Variants in QDPR observed in about 807,000 individuals in gnomAD.
The protein encoded by QDPR is dihydropteridine reductase.
In QDPR, 23 loss-of-function variants were observed where a neutral mutation model predicts 31.7. The ratio of observed to expected loss-of-function variants is 0.73; its 90% CI spans 0.52 to 1.03. QDPR has a LOEUF of 1.03. Ranked by LOEUF, QDPR falls within the 50% of genes least tolerant of loss-of-function variation. The pLI is 0.00. For missense variants in QDPR, 324 were observed against 323.8 expected, an observed-to-expected ratio of 1.00 and a Z score of 0.00; for synonymous variants, 124 against 124.7, an observed-to-expected ratio of 0.99 and a Z score of 0.03.
intron 5 of QDPR, 102 bp downstream of exon 5, chr4:17,492,128 TGA>T: frequency 1.2e-6 from 1 of 840,860 alleles, no homozygotes; most frequent in South Asian, 1.6e-5. Flanking sequence ...GAACCAGAGG[TGA>T]GAGCACACCC....
At chr4:17,488,081 T>C (rs1718031194) in intron 6 of QDPR, among the ~76,000 whole-genome samples, 1 of 152,038 alleles carries the variant, frequency 6.6e-6, no homozygotes, top group African/African-American at 2.4e-5. Context: ...CCTGGGCAAC[T>C]GGGTGAAACC....
chr4:17,511,753 C>T (rs899433850), intron 1 of QDPR, among the ~76,000 whole-genome samples, 197 bp downstream of exon 1: 1 of 152,210 alleles, frequency 6.6e-6, no homozygotes, highest in Non-Finnish European at 1.5e-5. Context: ...AGCAAAGGCC[C>T]AGCGCCCTGG....
intron 6 of QDPR, among the ~76,000 whole-genome samples, chr4:17,487,631 C>G (rs1718013868): frequency 6.6e-6 from 1 of 151,726 alleles, no homozygotes; most frequent in Non-Finnish European, 1.5e-5. Flanking sequence ...CACAATGAGA[C>G]TCCGTCTCAC....
chr4:17,509,487 G>A, intron 1 of QDPR, 124 bp from the exon 2 acceptor site: 1 of 828,412 alleles, frequency 1.2e-6, no homozygotes, highest in Non-Finnish European at 2.0e-6. Context: ...AGCACTTTGG[G>A]AGCCAATGTG....
At chr4:17,504,526 G>A (rs779867089) in intron 2 of QDPR, 51 bp from the exon 3 acceptor site, 1 of 1,422,510 alleles carries the variant, frequency 7.0e-7, no homozygotes, top group African/African-American at 1.4e-5. Context: ...AGCCAACACA[G>A]GCTAGCATCT....
At chr4:17,503,517 G>A (rs1718644064) in intron 3 of QDPR, among the ~76,000 whole-genome samples, 1 of 151,672 alleles carries the variant, frequency 6.6e-6, no homozygotes, top group South Asian at 2.1e-4. Context: ...AATGCACAAA[G>A]TACACAGGCA....
chr4:17,509,402 T>C (rs761493777), intron 1 of QDPR, 39 bp from the exon 2 acceptor site: 2 of 1,558,106 alleles, frequency 1.3e-6, no homozygotes, highest in African/African-American at 1.4e-5. Context: ...AGGCAGTGAG[T>C]TGTTATTCCA....
chr4:17,490,728 G>T lies in QDPR; in HGVS notation c.563C>A (p.Pro188Gln). The part of the protein sequence containing the change: ...IAVLPVTLDT[P>Q]MNRKSMPEAD... ...CTCAGGCATTGATTTCCTGTTCATC[G>T]GGGTATCCAGGGTAACCCTGCAATG... Residue 188 changes from proline to glutamine, a missense_variant, in exon 6 of 7, where the codon CCG (proline) becomes CAG (glutamine). Transcript: ENST00000281243. 2.5e-6 allele frequency: 4 copies of T among 1,613,740 alleles called. No individual in the cohort carries two copies. The highest frequency in any genetic ancestry group is 2.5e-6 in the Non-Finnish European group (3 of 1,179,782).
Position 17,487,175 on chromosome 4 carries a change from C to T in QDPR, c.691G>A (p.Val231Ile), listed in dbSNP as rs777780318. 3 of 1,614,196 alleles carry T rather than the reference C, an allele frequency of 1.9e-6. No homozygotes were observed. Among genetic ancestry groups the T allele is most frequent in the Non-Finnish European group, 2.5e-6 (3 of 1,180,022 alleles). The change falls in exon 7 of 7, where the codon GTA becomes ATA. Residue 231 changes from valine to isoleucine, a missense_variant. Transcript: ENST00000281243. ...AGTTCCGTCCTTCCTTCTGTGGTTA[C>T]CACCTGGATTAGGCTTCCTGAGCTC... Reference protein sequence around the residue: ...RPSSGSLIQVVTTEGRTELTP... With the variant: ...RPSSGSLIQVITTEGRTELTP...
In QDPR at chr4:17,501,744, T is replaced by G. The variant is rs1718568836; in HGVS notation, c.411A>C (p.Ala137=). ...CAGGAGTCCCATCCAGGGCAGCCTT[T>G]GCGCCAGCCAAGGTCAGGAGGCCTC... ...KEGGLLTLAG[A]KAALDGTPGM... is the part of the protein sequence containing the mutation. Residue 137 remains alanine, a synonymous_variant, in exon 4 of 7, where the codon GCA becomes GCC. Transcript: ENST00000281243. 1 of 1,614,118 alleles carries G rather than the reference T, an allele frequency of 6.2e-7. No homozygotes were observed. Among genetic ancestry groups the G allele is most frequent in the African/African-American group, 1.3e-5 (1 of 75,050 alleles).
At chr4:17,488,808 G>T (rs1718059280) in intron 6 of QDPR, among the ~76,000 whole-genome samples, 1 of 152,110 alleles carries the variant, frequency 6.6e-6, no homozygotes, top group South Asian at 2.1e-4. Context: ...CCTACTCTGG[G>T]GTTTGAACAA....
At chr4:17,494,955 G>A (rs139702755) in intron 4 of QDPR, among the ~76,000 whole-genome samples, 128 of 152,304 alleles carry the variant, frequency 8.4e-4, no homozygotes, top group Non-Finnish European at 1.6e-3. Flanking sequence ...TGGAGGGCAC[G>A]CACAGAACCC....
chr4:17,509,502 G>A, intron 1 of QDPR, 139 bp from the exon 2 acceptor site: 1 of 752,406 alleles, frequency 1.3e-6, no homozygotes, highest in South Asian at 1.5e-5. Flanking sequence ...AATGTGGGAG[G>A]ATCTCTTGAG....
chr4:17,494,462 G>C (rs1718281346), intron 4 of QDPR, among the ~76,000 whole-genome samples: 1 of 152,160 alleles, frequency 6.6e-6, no homozygotes, highest in African/African-American at 2.4e-5. Context: ...ATGACTCACT[G>C]CATCTGTGCC....
chr4:17,493,997 G>C (rs1219565426), intron 4 of QDPR, among the ~76,000 whole-genome samples: 1 of 152,100 alleles, frequency 6.6e-6, no homozygotes. Context: ...GGCACTCAAT[G>C]AAGGTTTCCC....
At chr4:17,509,468 T>C (rs866778326) in intron 1 of QDPR, 105 bp from the exon 2 acceptor site, 10 of 991,618 alleles carry the variant, frequency 1.0e-5, no homozygotes, top group Middle Eastern at 2.6e-4. Context: ...GGTTCACGTC[T>C]GTAATGCCAG....
rs749993798 is a variant in QDPR at position 17,487,200 on chromosome 4, C to T, written c.666G>A (p.Pro222=). ...FHDWITGKNR[P]SSGSLIQVVT... is the part of the protein sequence containing the mutation. ...CCACCTGGATTAGGCTTCCTGAGCT[C>T]GGTCGGTTTTTCCCTGTGATCCAGT... is the stretch of plus-strand genomic sequence containing the variant. Residue 222 remains proline (P), a synonymous_variant, in exon 7 of 7, where the codon CCG becomes CCA. Coordinates refer to ENST00000281243, the MANE Select transcript of QDPR (RefSeq NM_000320.3). The T allele has an allele frequency of 1.1e-5, 17 of 1,613,934 alleles. No individual in the cohort carries two copies. Among genetic ancestry groups the T allele is most frequent in the South Asian group, 9.9e-5 (9 of 91,082 alleles).
chr4:17,492,092 A>G (rs979789074), intron 5 of QDPR, 140 bp downstream of exon 5: 1 of 642,516 alleles, frequency 1.6e-6, no homozygotes, highest in African/African-American at 1.8e-5. Context: ...GATAATAAGT[A>G]TCTTAAGAGA....
At chr4:17,509,157 CG>C (rs1577195870) in intron 2 of QDPR, 113 bp downstream of exon 2, 1 of 872,172 alleles carries the variant, frequency 1.1e-6, no homozygotes, top group Non-Finnish European at 1.9e-6. Context: ...GACTCCGTCT[CG>C]GGGAAAAAAA....
Sources: gnomAD v4.1 joint callset for allele counts (sites outside exome capture counted in the v4.1 genomes callset) on GRCh38, gnomAD v4.1.1 for gene constraint, MANE v1.5 for transcripts, NCBI Gene and HGNC (gene_info 2026-07-23, HGNC 2026-07-21) for gene names.